The following P2RY12 variants were observed in gnomAD, a reference collection of about 807,000 sequenced individuals.
P2RY12 encodes the protein purinergic receptor P2Y12.
In P2RY12, 3 loss-of-function variants were observed where a neutral mutation model predicts 4.5. The ratio of observed to expected loss-of-function variants is 0.67; its 90% CI spans 0.31 to 1.74. The LOEUF is 1.74. Among genes scored for constraint, P2RY12 ranks in the 40% most tolerant of loss-of-function variants. The probability of loss-of-function intolerance (pLI) is 0.09; values close to 1 mark genes in which losing one functional copy is unlikely to be tolerated. For synonymous variants in P2RY12, 148 were observed against 154.1 expected, an observed-to-expected ratio of 0.96 and a Z score of 0.29; for missense variants, 356 against 407.8, an observed-to-expected ratio of 0.87 and a Z score of 1.09.
At chr3:151,350,178 AAAT>A in intron 1 of P2RY12, 1 of 1,613,862 alleles carries the variant, frequency 6.2e-7, no homozygotes, top group Non-Finnish European at 8.5e-7. Flanking sequence ...TGAAAATTCT[AAAT>A]AAGAAGAGCA....
chr3:151,355,794 T>A, intron 1 of P2RY12: 1 of 1,000,920 alleles, frequency 1.0e-6, no homozygotes, highest in Non-Finnish European at 1.4e-6. Context: ...CAAAGTAGAA[T>A]CATGTATAGA....
Position 151,368,534 on chromosome 3 carries a change from G to A in P2RY12, c.-180+16158C>T, listed in dbSNP as rs546972731. Among the ~76,000 whole-genome samples the A allele has an allele frequency of 7.2e-5, 11 of 152,004 alleles. No individual in the cohort carries two copies. The South Asian group carries it at 8.3e-4, about 11-fold the overall frequency. The stretch of plus-strand genomic sequence containing the variant: ...CTGGTGGGCAGCATGGTCCTCTCAC[G>A]TACTGTGTGTGTTGGTTCTGAACCA... On this transcript the variant is annotated intron_variant, in intron 1 of 2. Transcript: ENST00000302632.
intron 1 of P2RY12, chr3:151,365,860 A>G: frequency 6.2e-7 from 1 of 1,609,908 alleles, no homozygotes; most frequent in African/African-American, 1.3e-5. Context: ...GATTAACGAC[A>G]TAGCCAATTT....
chr3:151,343,471 T>C (rs1183326843), intron 1 of P2RY12, among the ~76,000 whole-genome samples: 1 of 152,198 alleles, frequency 6.6e-6, no homozygotes, highest in African/African-American at 2.4e-5. Context: ...TCTGATAACA[T>C]TTTTTCATTG....
intron 1 of P2RY12, among the ~76,000 whole-genome samples, chr3:151,354,726 A>C (rs934637935): frequency 2.0e-5 from 3 of 152,224 alleles, no homozygotes; most frequent in Non-Finnish European, 4.4e-5. Context: ...ATAAGTGAGA[A>C]TTATTAGTTT....
intron 1 of P2RY12, among the ~76,000 whole-genome samples, chr3:151,379,263 G>T (rs973130906): frequency 6.6e-6 from 1 of 152,174 alleles, no homozygotes; most frequent in Non-Finnish European, 1.5e-5. Context: ...AGGACAGATG[G>T]TATTGAAGAG....
intron 1 of P2RY12, among the ~76,000 whole-genome samples, chr3:151,362,510 T>A (rs547889550): frequency 5.3e-4 from 81 of 152,230 alleles, no homozygotes; most frequent in Non-Finnish European, 1.1e-3. Flanking sequence ...CACTCACGAC[T>A]GTCTCCCTGA....
intron 1 of P2RY12, among the ~76,000 whole-genome samples, chr3:151,346,860 C>T (rs1352897754): frequency 6.6e-6 from 1 of 152,060 alleles, no homozygotes; most frequent in African/African-American, 2.4e-5. Flanking sequence ...TTCTACCTAC[C>T]CTTCAAATTC....
At position 151,346,916 on chromosome 3, in the gene P2RY12, A is replaced by G. The variant is rs1237093453; in HGVS notation, c.-179-6156T>C. On this transcript the variant is annotated intron_variant, in intron 1 of 2. Coordinates refer to ENST00000302632, the MANE Select transcript of P2RY12 (RefSeq NM_022788.5). Reference sequence around the variant, plus strand: ...CAAAAGTTCCCTGCTGTTATAATGTATTAATTTTTTATACATTGTAAATAG... The same window carrying G: ...CAAAAGTTCCCTGCTGTTATAATGTGTTAATTTTTTATACATTGTAAATAG... Among the ~76,000 whole-genome samples, 5 of 152,188 alleles carry G rather than the reference A, an allele frequency of 3.3e-5. No individual in the cohort carries two copies. In the East Asian group the frequency reaches 5.8e-4, roughly 18 times the overall value.
At chr3:151,361,831 A>G (rs2150082512) in intron 1 of P2RY12, among the ~76,000 whole-genome samples, 1 of 152,238 alleles carries the variant, frequency 6.6e-6, no homozygotes, top group African/African-American at 2.4e-5. Flanking sequence ...TACTTCAAAT[A>G]GCATCCCCAA....
intron 1 of P2RY12, among the ~76,000 whole-genome samples, chr3:151,355,462 G>A (rs894070348): frequency 2.0e-5 from 3 of 151,922 alleles, no homozygotes; most frequent in Non-Finnish European, 2.9e-5. Context: ...GATAATAATC[G>A]GTGACATATA....
Position 151,337,751 on chromosome 3 carries a change from A to G in P2RY12, c.*66T>C, listed in dbSNP as rs1751202718. The G allele has an allele frequency of 2.7e-6, 4 of 1,494,568 alleles. No individual in the cohort carries two copies. Among genetic ancestry groups the G allele is most frequent in the Non-Finnish European group, 3.7e-6 (4 of 1,079,354 alleles). The allele number at this position is 1,494,568 out of a possible 1,614,324, so 92.6% of individuals were successfully genotyped here. A position where few individuals can be genotyped will look rare whatever the true frequency, so the allele number is the denominator to read the frequency against. On this transcript the variant is annotated 3_prime_UTR_variant, in exon 3 of 3. Coordinates refer to ENST00000302632, the MANE Select transcript of P2RY12 (RefSeq NM_022788.5). Reference sequence around the variant, plus strand: ...TGCTTCTTCGTCAGTTAATATTTTTACTTAGCGCTTTGCTTTAACGAGTTC... The same window carrying G: ...TGCTTCTTCGTCAGTTAATATTTTTGCTTAGCGCTTTGCTTTAACGAGTTC...
intron 1 of P2RY12, among the ~76,000 whole-genome samples, chr3:151,363,870 T>C (rs1480098927): frequency 6.6e-6 from 1 of 152,142 alleles, no homozygotes; most frequent in Non-Finnish European, 1.5e-5. Context: ...TGGTAAACAT[T>C]GAACTGAACA....
At chr3:151,363,307 A>G (rs761428656) in intron 1 of P2RY12, among the ~76,000 whole-genome samples, 1 of 152,198 alleles carries the variant, frequency 6.6e-6, no homozygotes, top group Non-Finnish European at 1.5e-5. Context: ...CAAAAGCTGG[A>G]TACACAGAGA....
intron 1 of P2RY12, among the ~76,000 whole-genome samples, chr3:151,379,194 T>C (rs999803058): frequency 1.3e-5 from 2 of 152,214 alleles, no homozygotes; most frequent in Non-Finnish European, 2.9e-5. Flanking sequence ...ATAATTCTAA[T>C]TTTCAAATCA....
intron 1 of P2RY12, among the ~76,000 whole-genome samples, chr3:151,347,792 C>CA (rs1467408265): frequency 7.2e-5 from 11 of 152,242 alleles, no homozygotes; most frequent in Admixed American, 6.5e-4. Flanking sequence ...GGTTTTCTCA[C>CA]AAAAACCTTA....
chr3:151,368,453 T>C (rs1010289836), intron 1 of P2RY12, among the ~76,000 whole-genome samples: 2 of 152,038 alleles, frequency 1.3e-5, no homozygotes, highest in African/African-American at 4.8e-5. Flanking sequence ...TATTGAGAAA[T>C]ACGAATCAAG....
At chr3:151,376,528 A>G (rs1306796033) in intron 1 of P2RY12, among the ~76,000 whole-genome samples, 2 of 152,188 alleles carry the variant, frequency 1.3e-5, no homozygotes, top group African/African-American at 4.8e-5. Context: ...GGATTGGTTA[A>G]ATAGATTTTG....
rs1476829385 is a variant in P2RY12 at position 151,354,090 on chromosome 3, G to A, written c.-179-13330C>T. Among the ~76,000 whole-genome samples the A allele has an allele frequency of 3.6e-4, 46 of 126,642 alleles. No individual in the cohort carries two copies. The Admixed American group carries it at 4.4e-3, about 12-fold the overall frequency. The allele number at this position is 126,642 out of a possible 152,430, so 83.1% of individuals were successfully genotyped here. A position where few individuals can be genotyped will look rare whatever the true frequency, so the allele number is the denominator to read the frequency against. On this transcript the variant is annotated intron_variant, in intron 1 of 2. Coordinates refer to ENST00000302632, the MANE Select transcript of P2RY12 (RefSeq NM_022788.5). ...CGGGAGGCGGAGCTTGCAGTGAGCC[G>A]AGATCCCGCCACTGCACTCCAGCCT...
Sources: allele counts gnomAD v4.1 joint callset (sites outside exome capture counted in the v4.1 genomes callset), GRCh38; gene constraint gnomAD v4.1.1; transcripts MANE v1.5; gene names NCBI Gene and HGNC (gene_info 2026-07-23, HGNC 2026-07-21).